RUFY4: variants seen among roughly 807,000 people sequenced by gnomAD.
The protein encoded by RUFY4 is RUN and FYVE domain-containing protein 4.
Under a neutral mutation model 69.0 loss-of-function variants are expected in RUFY4, and 73 were observed. The observed-to-expected ratio is 1.06, with a 90% confidence interval of 0.88 to 1.29. The LOEUF is 1.29. RUFY4 is among the 50% of genes most tolerant of loss of function. The pLI is 0.00. For synonymous variants in RUFY4, 287 were observed against 271.8 expected (o/e 1.06, Z -0.55); for missense variants, 770 against 705.6 (o/e 1.09, Z -1.03).
intron 2 of RUFY4, among the ~76,000 whole-genome samples, chr2:218,037,210 C>T (rs561803334): frequency 6.6e-6 from 1 of 151,994 alleles, no homozygotes; most frequent in East Asian, 1.9e-4. Flanking sequence ...ACCTCAGCTA[C>T]TTGGGAGGCT....
intron 2 of RUFY4, among the ~76,000 whole-genome samples, chr2:218,049,138 A>C (rs1688890527): frequency 6.6e-6 from 1 of 152,070 alleles, no homozygotes; most frequent in South Asian, 2.1e-4. Context: ...TTGTTGCTAA[A>C]TTTCTTGGCC....
chr2:218,038,632 G>C (rs1959015057), intron 2 of RUFY4, among the ~76,000 whole-genome samples: 1 of 152,202 alleles, frequency 6.6e-6, no homozygotes, highest in South Asian at 2.1e-4. Context: ...GCCCTCAGCG[G>C]CTAGTAACAA....
exon 7 of RUFY4, chr2:218,075,122 T>G (rs1265380805): frequency 1.9e-6 from 3 of 1,544,128 alleles, no homozygotes; most frequent in Non-Finnish European, 2.6e-6. Flanking sequence ...GGCCTGAAAA[T>G]GTCCAGATTG....
At chr2:218,062,286 G>C (rs1405268366) in intron 3 of RUFY4, among the ~76,000 whole-genome samples, 1 of 151,404 alleles carries the variant, frequency 6.6e-6, no homozygotes, top group African/African-American at 2.4e-5. Context: ...GGCACCTGTA[G>C]TCCCAGCTAC....
At chr2:218,076,638 A>G in intron 8 of RUFY4, 105 bp downstream of exon 10, 5 of 1,497,464 alleles carry the variant, frequency 3.3e-6, no homozygotes, top group Non-Finnish European at 4.5e-6. Flanking sequence ...CCCATGCACC[A>G]GGCCCTGGAC....
upstream of RUFY4, among the ~76,000 whole-genome samples, chr2:218,067,898 G>A (rs1385228366): frequency 6.6e-6 from 1 of 152,230 alleles, no homozygotes; most frequent in Non-Finnish European, 1.5e-5. Context: ...TGGGGAGGCA[G>A]GGACATGGGG....
At chr2:218,061,536 T>A (rs772654770) in intron 3 of RUFY4, 2 of 161,136 alleles carry the variant, frequency 1.2e-5, no homozygotes, top group East Asian at 3.6e-4. Flanking sequence ...TTGGCTTGTA[T>A]ATTACATGGA....
chr2:218,089,037 A>G (rs149049488), intron 9 of RUFY4, among the ~76,000 whole-genome samples: 1 of 148,700 alleles, frequency 6.7e-6, no homozygotes, highest in East Asian at 2.0e-4. Context: ...CTGTGTCTCT[A>G]TCTGCGTCTC....
At chr2:218,085,832 C>T (rs1374834837) in intron 9 of RUFY4, among the ~76,000 whole-genome samples, 1 of 152,206 alleles carries the variant, frequency 6.6e-6, no homozygotes, top group Non-Finnish European at 1.5e-5. Context: ...AGGTAGCTCC[C>T]TGCCCAGTCC....
At position 218,042,269 on chromosome 2, in the gene RUFY4, G is replaced by T. The variant is rs182167364; in HGVS notation, c.-1158+6875G>T. 1.3e-4 allele frequency among the ~76,000 whole-genome samples: 20 copies of T among 152,304 alleles called. No homozygotes were observed. In the East Asian group the frequency reaches 3.9e-3, roughly 29 times the overall value. On this transcript the variant is annotated intron_variant and NMD_transcript_variant, in intron 2 of 13. Transcript: ENST00000457754. ...TAAATCAATAAAGGAGGTAGTGCCTGATTAAAAAGAAAACTTGTATTAGTT... is the reference window on the plus strand; with the variant it reads ...TAAATCAATAAAGGAGGTAGTGCCTTATTAAAAAGAAAACTTGTATTAGTT...
intron 3 of RUFY4, chr2:218,060,067 C>CCG: frequency 6.7e-4 from 169 of 250,970 alleles, no homozygotes; most frequent in South Asian, 4.8e-3. Flanking sequence ...TAGATTTTCA[C>CCG]TTCTTAGAAC....
At chr2:218,090,142 T>C (rs1689998759) in exon 11 of RUFY4, 27 of 742,468 alleles carry the variant, frequency 3.6e-5, no homozygotes, top group South Asian at 3.5e-4. Flanking sequence ...TTCCCAGCCC[T>C]CTTGTTTGTC....
chr2:218,044,957 A>G (rs1016999796), intron 2 of RUFY4, among the ~76,000 whole-genome samples: 1 of 152,230 alleles, frequency 6.6e-6, no homozygotes, highest in East Asian at 1.9e-4. Context: ...GTGTATACCC[A>G]GTAATGGAAT....
chr2:218,084,662 TA>T (rs1476355504), intron 9 of RUFY4, among the ~76,000 whole-genome samples: 1 of 152,102 alleles, frequency 6.6e-6, no homozygotes, highest in East Asian at 1.9e-4. Context: ...AAGAGAGATA[TA>T]AAAAGTGAAG....
intron 7 of RUFY4, 89 bp from the exon 10 acceptor site, chr2:218,076,338 T>C: frequency 6.7e-7 from 1 of 1,484,200 alleles, no homozygotes; most frequent in Non-Finnish European, 9.0e-7. Context: ...TGGCCTGGGG[T>C]CTCTCGGGAA....
At chr2:218,069,179 G>C (rs55836347), upstream of RUFY4, 2 of 152,698 alleles carry the variant, frequency 1.3e-5, no homozygotes, top group East Asian at 1.9e-4. Flanking sequence ...CAGCGTCTGC[G>C]GTTCCCCCAC....
At chr2:218,049,633 A>G (rs1348150726) in intron 2 of RUFY4, among the ~76,000 whole-genome samples, 1 of 151,914 alleles carries the variant, frequency 6.6e-6, no homozygotes, top group Non-Finnish European at 1.5e-5. Context: ...CAGCCTCCCA[A>G]GTAGCTGGGA....
At chr2:218,077,026 C>T (rs777233077) in intron 8 of RUFY4, among the ~76,000 whole-genome samples, 3 of 152,236 alleles carry the variant, frequency 2.0e-5, no homozygotes, top group Non-Finnish European at 2.9e-5. Flanking sequence ...GCACTGCTGT[C>T]GGTGCTTCTG....
intron 9 of RUFY4, among the ~76,000 whole-genome samples, chr2:218,087,703 C>A (rs990716098): frequency 2.0e-5 from 3 of 152,166 alleles, no homozygotes; most frequent in Admixed American, 2.0e-4. Context: ...GTGGCACATG[C>A]CTGTAATCCC....
Sources: gnomAD v4.1 joint callset for allele counts (sites outside exome capture counted in the v4.1 genomes callset) on GRCh38, gnomAD v4.1.1 for gene constraint, MANE v1.5 for transcripts, NCBI Gene and HGNC (gene_info 2026-07-23, HGNC 2026-07-21) for gene names.